Variants in EEFSEC observed in about 807,000 individuals in gnomAD.
EEFSEC encodes eukaryotic elongation factor, selenocysteine-tRNA specific.
EEFSEC carries 43 observed loss-of-function variants against 42.1 expected under a neutral mutation model. The ratio of observed to expected loss-of-function variants is 1.02; its 90% CI spans 0.80 to 1.32. EEFSEC has a LOEUF of 1.32. EEFSEC is among the 40% of genes most tolerant of loss of function. The pLI, the probability that EEFSEC is intolerant of heterozygous loss-of-function variation, is 0.00. For missense variants in EEFSEC, 745 were observed against 803.6 expected, an observed-to-expected ratio of 0.93 and a Z score of 0.88; for synonymous variants, 354 against 339.1, an observed-to-expected ratio of 1.04 and a Z score of -0.48.
chr3:128,192,572 T>A (rs962557792), intron 1 of EEFSEC, among the ~76,000 whole-genome samples: 1 of 152,246 alleles, frequency 6.6e-6, no homozygotes, highest in African/African-American at 2.4e-5. Context: ...ATTTTTATAG[T>A]GCTTACACTC....
chr3:128,305,874 TC>T (rs2066820653), intron 4 of EEFSEC, among the ~76,000 whole-genome samples: 4 of 152,238 alleles, frequency 2.6e-5, no homozygotes, highest in Admixed American at 6.5e-5. Flanking sequence ...AATACATTGA[TC>T]ATATAATAGT....
At chr3:128,425,087 C>T in the EEFSEC span, among the ~76,000 whole-genome samples, 1 of 152,206 alleles carries the variant, frequency 6.6e-6, no homozygotes, top group East Asian at 1.9e-4. Context: ...ACATGTAGCT[C>T]TGTGCGTTTT....
At chr3:128,291,025 C>T (rs1287731395) in intron 4 of EEFSEC, among the ~76,000 whole-genome samples, 1 of 152,120 alleles carries the variant, frequency 6.6e-6, no homozygotes, top group Non-Finnish European at 1.5e-5. Flanking sequence ...GCTGGGATTA[C>T]AGGCATGAAC....
intron 6 of EEFSEC, among the ~76,000 whole-genome samples, chr3:128,388,130 G>C (rs1347775083): frequency 6.6e-6 from 1 of 152,242 alleles, no homozygotes; most frequent in Non-Finnish European, 1.5e-5. Context: ...GAGAAAAAAA[G>C]TCCTTTCTCT....
chr3:128,308,362 G>C (rs1291360623), intron 4 of EEFSEC, among the ~76,000 whole-genome samples: 1 of 152,226 alleles, frequency 6.6e-6, no homozygotes, highest in Non-Finnish European at 1.5e-5. Flanking sequence ...AGGGGAGGGG[G>C]AATTGGGAGA....
At position 128,341,539 on chromosome 3, in the gene EEFSEC, G is replaced by A; in HGVS notation, c.1093G>A (p.Asp365Asn). The change falls in exon 5 of 7, where the codon GAC becomes AAC. Residue 365 changes from aspartate (D) to asparagine (N), a missense_variant. Asp to Asn is a conservative substitution (Grantham distance 23). Transcript: ENST00000254730. Reference sequence around the variant, plus strand: ...TAACTTTGACCAGGAGCCTATACTGGACTCTTTCAACTTCTCTCAAGAATA... The same window carrying A: ...TAACTTTGACCAGGAGCCTATACTGAACTCTTTCAACTTCTCTCAAGAATA... ...PDNFDQEPIL[D>N]SFNFSQEYLF... The A allele has an allele frequency of 6.2e-7, 1 of 1,614,030 alleles. No individual in the cohort carries two copies. Among genetic ancestry groups the A allele is most frequent in the Non-Finnish European group, 8.5e-7 (1 of 1,180,026 alleles).
intron 4 of EEFSEC, among the ~76,000 whole-genome samples, chr3:128,276,554 G>T (rs889096750): frequency 6.6e-6 from 1 of 152,138 alleles, no homozygotes; most frequent in Non-Finnish European, 1.5e-5. Flanking sequence ...AGTTACTGTG[G>T]GAAGGAAAAG....
chr3:128,265,581 G>A (rs543399316), intron 4 of EEFSEC, among the ~76,000 whole-genome samples: 78 of 152,352 alleles, frequency 5.1e-4, no homozygotes, highest in African/African-American at 1.9e-3. Flanking sequence ...GGAATGCTGG[G>A]GTCCAGGGCA....
intron 6 of EEFSEC, among the ~76,000 whole-genome samples, chr3:128,395,889 C>G (rs531070834): frequency 8.5e-5 from 13 of 152,350 alleles, no homozygotes; most frequent in African/African-American, 3.1e-4. Flanking sequence ...CTTATTCCCA[C>G]CATCCCTCAC....
chr3:128,230,136 C>CCCTT (rs1214684146), intron 1 of EEFSEC, among the ~76,000 whole-genome samples: 2 of 145,164 alleles, frequency 1.4e-5, no homozygotes, highest in Admixed American at 6.9e-5. Context: ...CTCCCTCCCT[C>CCCTT]CCTTCCTTCC....
the EEFSEC span, among the ~76,000 whole-genome samples, chr3:128,425,570 C>A: frequency 6.6e-6 from 1 of 152,232 alleles, no homozygotes; most frequent in Non-Finnish European, 1.5e-5. Context: ...ACGCGGTTTC[C>A]CACCCCAGCT....
intron 6 of EEFSEC, among the ~76,000 whole-genome samples, chr3:128,361,164 C>T (rs2067521997): frequency 6.6e-6 from 1 of 152,090 alleles, no homozygotes; most frequent in Non-Finnish European, 1.5e-5. Flanking sequence ...ACAGGGCATC[C>T]GGGCTGGGAA....
At chr3:128,354,046 T>C (rs1385378477) in intron 5 of EEFSEC, among the ~76,000 whole-genome samples, 1 of 152,150 alleles carries the variant, frequency 6.6e-6, no homozygotes, top group Non-Finnish European at 1.5e-5. Context: ...AGAGTGCCAG[T>C]GTCCTCTGTG....
intron 4 of EEFSEC, among the ~76,000 whole-genome samples, chr3:128,315,267 G>T (rs2066932155): frequency 6.6e-6 from 1 of 152,150 alleles, no homozygotes; most frequent in South Asian, 2.1e-4. Flanking sequence ...TTAGGCCCAG[G>T]GTGAGGTATG....
rs76896743 is a variant in EEFSEC, at chr3:128,388,639, C to T, written c.1601-19430C>T. Among the ~76,000 whole-genome samples the T allele has an allele frequency of 5.1e-4, 77 of 152,370 alleles. 2 individuals are homozygous for T. In the East Asian group the frequency reaches 0.01, roughly 20 times the overall value. The stretch of plus-strand genomic sequence containing the variant: ...AGGCCACTGCTGTGTAAGGCCCATT[C>T]CCTGGTGTAGTCTGCCTGTACCCCT... On this transcript the variant is annotated intron_variant, in intron 6 of 6. Coordinates refer to ENST00000254730, the MANE Select transcript of EEFSEC (RefSeq NM_021937.5).
At chr3:128,225,060 A>C (rs897638861) in intron 1 of EEFSEC, among the ~76,000 whole-genome samples, 1 of 152,264 alleles carries the variant, frequency 6.6e-6, no homozygotes, top group Admixed American at 6.5e-5. Context: ...AGTTTCGCCC[A>C]AGATGTAGGG....
chr3:128,322,275 C>T (rs2067015847), intron 4 of EEFSEC, among the ~76,000 whole-genome samples: 1 of 152,254 alleles, frequency 6.6e-6, no homozygotes, highest in African/African-American at 2.4e-5. Flanking sequence ...TGACTGAAGC[C>T]AGCATGCCTG....
intron 4 of EEFSEC, among the ~76,000 whole-genome samples, chr3:128,271,585 G>C (rs1373104816): frequency 6.6e-6 from 1 of 152,172 alleles, no homozygotes; most frequent in Non-Finnish European, 1.5e-5. Flanking sequence ...AAGGAAACCA[G>C]GAAGGTTTTG....
chr3:128,199,993 C>T (rs967205706), intron 1 of EEFSEC, among the ~76,000 whole-genome samples: 1 of 152,198 alleles, frequency 6.6e-6, no homozygotes, highest in Non-Finnish European at 1.5e-5. Flanking sequence ...CTCGGCCTCC[C>T]AAAGTGCTGG....
Sources: gnomAD v4.1 joint callset for allele counts (sites outside exome capture counted in the v4.1 genomes callset) on GRCh38, gnomAD v4.1.1 for gene constraint, MANE v1.5 for transcripts, NCBI Gene and HGNC (gene_info 2026-07-23, HGNC 2026-07-21) for gene names.